GRHL2: variants seen among roughly 807,000 people sequenced by gnomAD.
The protein encoded by GRHL2 is grainyhead like transcription factor 2.
Under a neutral mutation model 83.8 loss-of-function variants are expected in GRHL2, and 21 were observed. The ratio of observed to expected loss-of-function variants is 0.25; its 90% confidence interval spans 0.18 to 0.36. GRHL2 has a LOEUF of 0.36. Among genes scored for constraint, GRHL2 ranks in the 10% least tolerant of loss-of-function variants. The pLI, the probability that GRHL2 is intolerant of heterozygous loss-of-function variation, is 1.00. For synonymous variants in GRHL2, 280 were observed against 278.9 expected, an observed-to-expected ratio of 1.00 and a Z score of -0.04; for missense variants, 623 against 781.8, an observed-to-expected ratio of 0.80 and a Z score of 2.42.
intron 2 of GRHL2, among the ~76,000 whole-genome samples, chr8:101,546,157 G>C (rs1004092061): frequency 7.9e-5 from 12 of 151,936 alleles, no homozygotes; most frequent in South Asian, 4.2e-4. Flanking sequence ...TGGGATTATA[G>C]GCGTAAGCCA....
chr8:101,544,730 A>G (rs569494499), intron 2 of GRHL2, among the ~76,000 whole-genome samples: 2 of 152,328 alleles, frequency 1.3e-5, no homozygotes, highest in East Asian at 3.9e-4. Context: ...TCCCTCCATC[A>G]TGGAAAAACC....
chr8:101,580,588 T>G (rs965762212), intron 7 of GRHL2, among the ~76,000 whole-genome samples: 1 of 152,094 alleles, frequency 6.6e-6, no homozygotes, highest in African/African-American at 2.4e-5. Context: ...AAAGCCAAGA[T>G]GCTAAGAGGG....
chr8:101,657,644 T>A (rs1420839031), intron 14 of GRHL2, among the ~76,000 whole-genome samples: 1 of 151,838 alleles, frequency 6.6e-6, no homozygotes, highest in East Asian at 1.9e-4. Flanking sequence ...ATTGAGACCA[T>A]CCTGGCTAAC....
At chr8:101,665,824 T>C (rs1814039847) in intron 15 of GRHL2, among the ~76,000 whole-genome samples, 1 of 152,250 alleles carries the variant, frequency 6.6e-6, no homozygotes, top group Non-Finnish European at 1.5e-5. Context: ...CAGTGGTTCA[T>C]TCTCAAACCA....
the GRHL2 span, among the ~76,000 whole-genome samples, chr8:101,679,616 A>T: frequency 6.6e-6 from 1 of 151,308 alleles, no homozygotes; most frequent in Admixed American, 6.6e-5. Context: ...TCCAAGACAC[A>T]TAATTGTCAG....
rs772172966 is a variant in GRHL2 at position 101,599,133 on chromosome 8, C to T, written c.1080C>T (p.Asp360=). The change falls in exon 8 of 16, where the codon GAC becomes GAT. Residue 360 remains aspartate, a synonymous_variant. Coordinates refer to ENST00000646743, the MANE Select transcript of GRHL2 (RefSeq NM_024915.4). The stretch of plus-strand genomic sequence containing the variant: ...ATAATGCTGTTTCCTTTACCTGGGA[C>T]GTGAATGAAGAGGCGAAGGTGAGTG... ...IAYNAVSFTW[D]VNEEAKIFIT... 44 of 1,609,796 alleles carry T rather than the reference C, an allele frequency of 2.7e-5. No homozygotes were observed. The highest frequency in any genetic ancestry group is 3.2e-5 in the Non-Finnish European group (38 of 1,176,186).
chr8:101,526,992 A>G (rs1486553281), intron 1 of GRHL2, among the ~76,000 whole-genome samples: 2 of 152,172 alleles, frequency 1.3e-5, no homozygotes, highest in African/African-American at 4.8e-5. Context: ...ATAATACCTC[A>G]AGTATAGTTT....
At chr8:101,571,388 G>C (rs1407290667) in intron 5 of GRHL2, among the ~76,000 whole-genome samples, 6 of 151,952 alleles carry the variant, frequency 3.9e-5, no homozygotes. Flanking sequence ...GGGCGTGGTG[G>C]CTCATGCCTG....
chr8:101,570,896 C>A (rs946424963), intron 5 of GRHL2, among the ~76,000 whole-genome samples: 1 of 152,224 alleles, frequency 6.6e-6, no homozygotes, highest in African/African-American at 2.4e-5. Context: ...TTCCAAGTTA[C>A]CCTTGTCAAC....
intron 1 of GRHL2, among the ~76,000 whole-genome samples, chr8:101,539,533 G>A (rs1811109715): frequency 6.6e-6 from 1 of 152,064 alleles, no homozygotes; most frequent in South Asian, 2.1e-4. Flanking sequence ...CTTTCTGGAG[G>A]CCTCATTATA....
the GRHL2 span, among the ~76,000 whole-genome samples, chr8:101,678,349 C>A: frequency 6.6e-6 from 1 of 152,096 alleles, no homozygotes; most frequent in Non-Finnish European, 1.5e-5. Flanking sequence ...CGGGTCACTC[C>A]CACCCGAATA....
intron 1 of GRHL2, among the ~76,000 whole-genome samples, chr8:101,510,704 T>G (rs1810443693): frequency 6.6e-6 from 1 of 152,214 alleles, no homozygotes; most frequent in South Asian, 2.1e-4. Flanking sequence ...CCTACCACTT[T>G]CAATAGAACT....
chr8:101,669,933 T>C (rs1306000782), downstream of GRHL2, among the ~76,000 whole-genome samples: 7 of 152,176 alleles, frequency 4.6e-5, no homozygotes, highest in African/African-American at 1.7e-4. Flanking sequence ...CTTCCAGGGC[T>C]TGTGTGTGAC....
chr8:101,593,507 G>T (rs1004766769), intron 7 of GRHL2, among the ~76,000 whole-genome samples: 24 of 152,094 alleles, frequency 1.6e-4, no homozygotes, highest in African/African-American at 5.6e-4. Flanking sequence ...TTAAAGCGGG[G>T]TGATTATTTT....
At position 101,526,427 on chromosome 8, in the gene GRHL2, T is replaced by A. The variant is rs145471486; in HGVS notation, c.21-16814T>A. 3.9e-5 allele frequency among the ~76,000 whole-genome samples: 6 copies of A among 152,250 alleles called. No individual in the cohort carries two copies. The East Asian group carries it at 1.2e-3, about 29-fold the overall frequency. The stretch of plus-strand genomic sequence containing the variant: ...AAATGTTAATGTGCTTCATGATACA[T>A]TAGCAAAAAATTATATCCATTAACC... On this transcript the variant is annotated intron_variant, in intron 1 of 15. Coordinates refer to ENST00000646743, the MANE Select transcript of GRHL2 (RefSeq NM_024915.4).
chr8:101,606,503 G>T (rs1812637385), intron 8 of GRHL2, among the ~76,000 whole-genome samples: 1 of 152,188 alleles, frequency 6.6e-6, no homozygotes, highest in Admixed American at 6.6e-5. Flanking sequence ...CTGGTGAGAA[G>T]AAACTAAAAG....
chr8:101,655,544 C>CTTCA (rs1310256225), intron 14 of GRHL2, among the ~76,000 whole-genome samples: 1 of 152,174 alleles, frequency 6.6e-6, no homozygotes, highest in Non-Finnish European at 1.5e-5. Flanking sequence ...CCCCCCAGAC[C>CTTCA]TTCATTTCAC....
intron 7 of GRHL2, among the ~76,000 whole-genome samples, chr8:101,589,860 T>G (rs1221217216): frequency 6.6e-6 from 1 of 152,288 alleles, no homozygotes; most frequent in African/African-American, 2.4e-5. Flanking sequence ...TATGGAAAGG[T>G]GCTCATCTGG....
intron 1 of GRHL2, among the ~76,000 whole-genome samples, chr8:101,517,145 C>T (rs1187142136): frequency 6.6e-6 from 1 of 152,100 alleles, no homozygotes; most frequent in Non-Finnish European, 1.5e-5. Context: ...CTCCTAGTCA[C>T]TAGGGCTAAA....
Sources: gnomAD v4.1 joint callset for allele counts (sites outside exome capture counted in the v4.1 genomes callset) on GRCh38, gnomAD v4.1.1 for gene constraint, MANE v1.5 for transcripts, NCBI Gene and HGNC (gene_info 2026-07-23, HGNC 2026-07-21) for gene names.